The following MINK1 variants were observed in gnomAD, a reference collection of about 807,000 sequenced individuals.
MINK1 encodes the protein misshapen-like kinase 1.
MINK1 carries 46 observed loss-of-function variants against 178.4 expected under a neutral mutation model. That is an observed-to-expected ratio of 0.26 (90% CI 0.20 to 0.33). The LOEUF is 0.33. Among genes scored for constraint, MINK1 ranks in the 10% least tolerant of loss-of-function variants. The pLI is 1.00. For missense variants in MINK1, 1,366 were observed against 1,814.9 expected (o/e 0.75, Z 4.49); for synonymous variants, 797 against 709.7 (o/e 1.12, Z -1.96).
Position 4,870,501 on chromosome 17 carries a change from A to T in MINK1, c.58-7816A>T, listed in dbSNP as rs546567981. Reference sequence around the variant, plus strand: ...TTTTTAATAACAGCTTTATTGAAATATAATTTACATACCATAAAATTTACC... The same window carrying T: ...TTTTTAATAACAGCTTTATTGAAATTTAATTTACATACCATAAAATTTACC... On this transcript the variant is annotated intron_variant, in intron 1 of 31. Transcript: ENST00000355280. 6.6e-5 allele frequency among the ~76,000 whole-genome samples: 10 copies of T among 152,268 alleles called. No individual in the cohort carries two copies. The East Asian group carries it at 1.7e-3, about 26-fold the overall frequency.
intron 1 of MINK1, among the ~76,000 whole-genome samples, chr17:4,867,548 C>G (rs1460160136): frequency 6.6e-6 from 1 of 151,924 alleles, no homozygotes; most frequent in Middle Eastern, 3.2e-3. Context: ...GCCTATAATC[C>G]CAGCACTTTG....
At chr17:4,854,314 C>T (rs1268238372) in intron 1 of MINK1, among the ~76,000 whole-genome samples, 1 of 152,174 alleles carries the variant, frequency 6.6e-6, no homozygotes, top group African/African-American at 2.4e-5. Context: ...TATAGGCCTC[C>T]ATCTGTGAAG....
chr17:4,876,700 T>A (rs990776998), intron 1 of MINK1, among the ~76,000 whole-genome samples: 3 of 151,822 alleles, frequency 2.0e-5, no homozygotes, highest in African/African-American at 7.3e-5. Flanking sequence ...GCCTGGAGAG[T>A]TTATTCCCAA....
chr17:4,896,637 G>T lies in MINK1; in HGVS notation c.3776-37G>T. ...GCCACATGCCCCGAGGTGGCCCCGG[G>T]GTGCAGCCTGCTCAGCCCCTCACCT... On this transcript the variant is annotated intron_variant, in intron 30 of 31. Coordinates refer to ENST00000355280, the MANE Select transcript of MINK1 (RefSeq NM_153827.5). This position sits in a 1 kb window ranked among gnomAD's most constrained non-coding sequence, Gnocchi z 4.6. The T allele has an allele frequency of 6.2e-7, 1 of 1,609,768 alleles. No individual in the cohort carries two copies. The highest frequency in any genetic ancestry group is 8.5e-7 in the Non-Finnish European group (1 of 1,177,276).
chr17:4,838,775 T>A (rs1214124226), intron 1 of MINK1, among the ~76,000 whole-genome samples: 1 of 152,154 alleles, frequency 6.6e-6, no homozygotes, highest in Non-Finnish European at 1.5e-5. Context: ...TTATCAATAA[T>A]CCCCTGTCCT....
At chr17:4,881,432 C>G (rs1182458906) in intron 4 of MINK1, among the ~76,000 whole-genome samples, 175 bp downstream of exon 4, 1 of 152,166 alleles carries the variant, frequency 6.6e-6, no homozygotes, top group Non-Finnish European at 1.5e-5. Flanking sequence ...GATGGCCCCG[C>G]ACTCCAGCCC....
At chr17:4,858,038 G>T (rs1329147465) in intron 1 of MINK1, among the ~76,000 whole-genome samples, 1 of 152,178 alleles carries the variant, frequency 6.6e-6, no homozygotes, top group Non-Finnish European at 1.5e-5. Context: ...TACAGATGGG[G>T]TTTAGGGTTA....
At chr17:4,865,260 G>A (rs1914764405) in intron 1 of MINK1, among the ~76,000 whole-genome samples, 1 of 148,776 alleles carries the variant, frequency 6.7e-6, no homozygotes, top group African/African-American at 2.5e-5. Flanking sequence ...GTGAACCTCC[G>A]TCTCTACTAA....
chr17:4,892,370 G>A (rs751741357), intron 17 of MINK1, 32 bp from the exon 18 acceptor site: 129 of 960,196 alleles, frequency 1.3e-4, no homozygotes, highest in Non-Finnish European at 1.1e-4. Flanking sequence ...CCCCCCCGCC[G>A]CCCCCTCGGC....
chr17:4,886,411 C>G lies in MINK1; in HGVS notation c.774-40C>G. On this transcript the variant is annotated intron_variant, in intron 9 of 31. Transcript: ENST00000355280. This position sits in a 1 kb window ranked among gnomAD's most constrained non-coding sequence, Gnocchi z 6.1. ...CCTCTTCCTCCTGCACCCATCCCTT[C>G]TGAGGGGACCCTCCCAGTGTGAGCC... 1 of 1,578,492 alleles carries G rather than the reference C, an allele frequency of 6.3e-7. No individual in the cohort carries two copies.
chr17:4,836,523 T>C lies in MINK1; in HGVS notation c.57+2883T>C, dbSNP rs1354276959. ...AGTTTCTTCCCTTACAATGTAACCC[T>C]GGCCCTGCTCCCCTTACTGCAGATT... On this transcript the variant is annotated intron_variant, in intron 1 of 31. Coordinates refer to ENST00000355280, the MANE Select transcript of MINK1 (RefSeq NM_153827.5). The surrounding 1 kb of genome is among the most constrained non-coding windows in gnomAD (Gnocchi z 4.3). Among the ~76,000 whole-genome samples, 1 of 152,180 alleles carries C rather than the reference T, an allele frequency of 6.6e-6. No individual in the cohort carries two copies. Among genetic ancestry groups the C allele is most frequent in the African/African-American group, 2.4e-5 (1 of 41,448 alleles).
chr17:4,872,704 G>A (rs529338679), intron 1 of MINK1, among the ~76,000 whole-genome samples: 34 of 152,196 alleles, frequency 2.2e-4, no homozygotes, highest in African/African-American at 5.8e-4. Flanking sequence ...CCCAGGAGGC[G>A]GAGGTTGCAG....
chr17:4,892,133 G>C lies in MINK1; in HGVS notation c.2002-16G>C. 1 of 1,580,156 alleles carries C rather than the reference G, an allele frequency of 6.3e-7. No individual in the cohort carries two copies. Among genetic ancestry groups the C allele is most frequent in the South Asian group, 1.2e-5 (1 of 86,778 alleles). On this transcript the variant is annotated splice_polypyrimidine_tract_variant and intron_variant, in intron 16 of 31. Transcript: ENST00000355280. ...GTCGCAGCGCCAGCTCGCAGCACGT[G>C]GACTTCTCTCCACAGGTGCCTCAGA...
In MINK1 at chr17:4,896,726, C is replaced by G; in HGVS notation, c.3828C>G (p.Ile1276Met). ...IMGWGEKAIE[I>M]RSVETGHLDG... is the part of the protein sequence containing the mutation. ...GCTGGGGTGAGAAAGCCATTGAGATCCGCTCTGTGGAGACGGGCCACCTCG... is the reference window on the plus strand; with the variant it reads ...GCTGGGGTGAGAAAGCCATTGAGATGCGCTCTGTGGAGACGGGCCACCTCG... Residue 1276 changes from isoleucine (I) to methionine (M), a missense_variant, in exon 31 of 32, where the codon ATC becomes ATG. Coordinates refer to ENST00000355280, the MANE Select transcript of MINK1 (RefSeq NM_153827.5). This position sits in a 1 kb window ranked among gnomAD's most constrained non-coding sequence, Gnocchi z 4.6. The G allele has an allele frequency of 3.7e-6, 6 of 1,604,140 alleles. No homozygotes were observed. Among genetic ancestry groups the G allele is most frequent in the Non-Finnish European group, 5.1e-6 (6 of 1,174,280 alleles).
Position 4,881,209 on chromosome 17 carries a change from C to T in MINK1, c.258C>T (p.Tyr86=), listed in dbSNP as rs1048668093. 54 of 1,537,202 alleles carry T rather than the reference C, an allele frequency of 3.5e-5. No homozygotes were observed. Among genetic ancestry groups the T allele is most frequent in the East Asian group, 2.4e-4 (10 of 40,896 alleles). ...YSHHRNIATY[Y]GAFIKKSPPG... is the part of the protein sequence containing the mutation. ...ACCACCGCAACATCGCCACCTACTACGGAGCCTTCATCAAGAAGAGCCCCC... is the reference window on the plus strand; with the variant it reads ...ACCACCGCAACATCGCCACCTACTATGGAGCCTTCATCAAGAAGAGCCCCC... Residue 86 remains tyrosine (Y), a synonymous_variant, in exon 4 of 32, where the codon TAC becomes TAT. Coordinates refer to ENST00000355280, the MANE Select transcript of MINK1 (RefSeq NM_153827.5).
Position 4,895,682 on chromosome 17 carries a change from T to A in MINK1, c.3230-16T>A, listed in dbSNP as rs555785970. On this transcript the variant is annotated splice_polypyrimidine_tract_variant and intron_variant, in intron 26 of 31. Coordinates refer to ENST00000355280, the MANE Select transcript of MINK1 (RefSeq NM_153827.5). The surrounding 1 kb of genome is among the most constrained non-coding windows in gnomAD (Gnocchi z 4.3). ...ATGAGAATGGGGGCGGGTGTGTATG[T>A]CTGTCCGTCCCTCAGGGAAAAGGAA... 18 of 1,611,992 alleles carry A rather than the reference T, an allele frequency of 1.1e-5. No individual in the cohort carries two copies. Among genetic ancestry groups the A allele is most frequent in the Non-Finnish European group, 1.4e-5 (17 of 1,179,082 alleles).
At chr17:4,848,479 G>A (rs933602780) in intron 1 of MINK1, among the ~76,000 whole-genome samples, 1 of 152,192 alleles carries the variant, frequency 6.6e-6, no homozygotes, top group Non-Finnish European at 1.5e-5. Flanking sequence ...TCCTGCCTCA[G>A]CCTCCCAAGT....
intron 15 of MINK1, 73 bp from the exon 16 acceptor site, chr17:4,891,383 C>T (rs1968796565): frequency 2.0e-6 from 3 of 1,494,944 alleles, no homozygotes; most frequent in Admixed American, 4.7e-5. Context: ...TCCTTTCCCA[C>T]CCCAGACCCC....
chr17:4,896,984 C>T lies in MINK1; in HGVS notation c.3915+171C>T, dbSNP rs763083435. 9.9e-5 allele frequency: 103 copies of T among 1,043,652 alleles called. No individual in the cohort carries two copies. The highest frequency in any genetic ancestry group is 8.4e-4 in the African/African-American group (52 of 61,812). 64.6% of individuals were successfully genotyped at this position (1,043,652 alleles called of 1,614,324 possible). ...ACTGCCCTGCGCTCCCTTCAGATTC[C>T]GAGGACTTCCCAGCTGGCCCCCAGG... On this transcript the variant is annotated intron_variant, in intron 31 of 31. Coordinates refer to ENST00000355280, the MANE Select transcript of MINK1 (RefSeq NM_153827.5). This position sits in a 1 kb window ranked among gnomAD's most constrained non-coding sequence, Gnocchi z 4.6.
Sources: allele counts gnomAD v4.1 joint callset (sites outside exome capture counted in the v4.1 genomes callset), GRCh38; gene constraint gnomAD v4.1.1; non-coding constraint Gnocchi (gnomAD v3.1); transcripts MANE v1.5; gene names NCBI Gene and HGNC (gene_info 2026-07-23, HGNC 2026-07-21).